The following GALNT13 variants were observed in gnomAD, a reference collection of about 807,000 sequenced individuals.
The protein encoded by GALNT13 is polypeptide N-acetylgalactosaminyltransferase 13.
In GALNT13, 28 loss-of-function variants were observed where a neutral mutation model predicts 64.2. The observed-to-expected ratio is 0.44, with a 90% CI of 0.32 to 0.60. The LOEUF (loss-of-function observed/expected upper bound fraction) is 0.60, where lower values mean the gene tolerates loss of function less well. GALNT13 is among the 20% of genes least tolerant of loss of function. GALNT13 has a pLI of 0.05. For synonymous variants in GALNT13, 214 were observed against 224.6 expected (o/e 0.95, Z 0.42); for missense variants, 577 against 669.8 (o/e 0.86, Z 1.53).
chr2:154,137,683 G>A (rs1370813013), intron 3 of GALNT13, among the ~76,000 whole-genome samples: 4 of 152,058 alleles, frequency 2.6e-5, no homozygotes, highest in African/African-American at 4.8e-5. Context: ...AGCTTAAGGT[G>A]TTAGAGTTGA....
intron 3 of GALNT13, among the ~76,000 whole-genome samples, chr2:154,100,938 ATT>A (rs139513147): frequency 6.6e-6 from 1 of 151,644 alleles, no homozygotes; most frequent in African/African-American, 2.4e-5. Context: ...TTATCAAGTG[ATT>A]TTTTTTATAT....
At chr2:153,483,654 G>A in the GALNT13 span, among the ~76,000 whole-genome samples, 1 of 152,086 alleles carries the variant, frequency 6.6e-6, no homozygotes, top group Non-Finnish European at 1.5e-5. Flanking sequence ...GACCTCAGGT[G>A]ATCCACCTAC....
chr2:154,427,790 A>G (rs1700536394), intron 11 of GALNT13, among the ~76,000 whole-genome samples: 2 of 152,194 alleles, frequency 1.3e-5, no homozygotes, highest in African/African-American at 2.4e-5. Flanking sequence ...CCGCTGAGCT[A>G]ACAGCCTATA....
At chr2:153,442,989 C>A in the GALNT13 span, among the ~76,000 whole-genome samples, 9 of 152,126 alleles carry the variant, frequency 5.9e-5, no homozygotes, top group Non-Finnish European at 1.3e-4. Flanking sequence ...GGGCTCTTTG[C>A]GGGGTGGGAT....
the GALNT13 span, among the ~76,000 whole-genome samples, chr2:153,233,500 G>T: frequency 6.7e-6 from 1 of 149,638 alleles, no homozygotes; most frequent in Non-Finnish European, 1.5e-5. Flanking sequence ...AAAAAAAACT[G>T]CTTGTAGTTC....
rs572680931 is a variant in GALNT13 at position 154,211,706 on chromosome 2, A to G, written c.312-30324A>G. Among the ~76,000 whole-genome samples, 40 of 151,900 alleles carry G rather than the reference A, an allele frequency of 2.6e-4. 1 individual carries two copies. Among genetic ancestry groups the G allele is most frequent in the Middle Eastern group, 3.4e-3 (1 of 292 alleles). ...GGTACAGTAAAAATGCAGCATTAAAATCATATGAGACCACTATCCTATATA... is the reference window on the plus strand; with the variant it reads ...GGTACAGTAAAAATGCAGCATTAAAGTCATATGAGACCACTATCCTATATA... On this transcript the variant is annotated intron_variant, in intron 4 of 12. Coordinates refer to ENST00000392825, the MANE Select transcript of GALNT13 (RefSeq NM_052917.4).
chr2:154,193,005 ATAGT>A (rs979537509), intron 4 of GALNT13, among the ~76,000 whole-genome samples: 2 of 152,172 alleles, frequency 1.3e-5, no homozygotes, highest in Non-Finnish European at 2.9e-5. Context: ...AATAATTAGA[ATAGT>A]TAGAGTAAAT....
At chr2:153,273,921 T>C in the GALNT13 span, among the ~76,000 whole-genome samples, 2 of 152,242 alleles carry the variant, frequency 1.3e-5, no homozygotes, top group African/African-American at 4.8e-5. Flanking sequence ...TCAGAAATAT[T>C]TTCCTTTTTA....
chr2:154,128,239 A>G (rs1051415891), intron 3 of GALNT13, among the ~76,000 whole-genome samples: 1 of 151,982 alleles, frequency 6.6e-6, no homozygotes, highest in Non-Finnish European at 1.5e-5. Flanking sequence ...TCTTTGGCAT[A>G]CTCAGTAAAC....
chr2:153,850,815 A>G, the GALNT13 span, among the ~76,000 whole-genome samples: 3 of 152,170 alleles, frequency 2.0e-5, no homozygotes, highest in Non-Finnish European at 4.4e-5. Flanking sequence ...AGTTAAGTTG[A>G]AGAATAGCAA....
the GALNT13 span, among the ~76,000 whole-genome samples, chr2:153,379,192 C>T: frequency 6.6e-6 from 1 of 152,096 alleles, no homozygotes; most frequent in Admixed American, 6.6e-5. Context: ...AAAAACTTGG[C>T]TAGTTCATGA....
the GALNT13 span, among the ~76,000 whole-genome samples, chr2:153,388,134 T>G: frequency 3.5e-4 from 53 of 151,972 alleles, no homozygotes; most frequent in Non-Finnish European, 1.5e-5. Flanking sequence ...CTTTGCTTTC[T>G]CACTTCTTAG....
the GALNT13 span, among the ~76,000 whole-genome samples, chr2:153,388,721 A>T: frequency 6.6e-6 from 1 of 152,064 alleles, no homozygotes; most frequent in South Asian, 2.1e-4. Flanking sequence ...TTGCTAGGCC[A>T]TTGGGTGGGT....
intron 2 of GALNT13, among the ~76,000 whole-genome samples, chr2:153,905,900 C>A (rs1016211158): frequency 1.3e-5 from 2 of 151,818 alleles, no homozygotes; most frequent in Admixed American, 1.3e-4. Flanking sequence ...ATCTGATAAC[C>A]GATATGGCTA....
rs548509348 is a variant in GALNT13, at chr2:153,948,465, T to C, written c.142+3826T>C. ...TGTGGTGATTGATTCATCAGAGACCTAAAGACAGAAATACTATTCAACCCA... is the reference window on the plus strand; with the variant it reads ...TGTGGTGATTGATTCATCAGAGACCCAAAGACAGAAATACTATTCAACCCA... On this transcript the variant is annotated intron_variant, in intron 3 of 12. Transcript: ENST00000392825. 3.9e-5 allele frequency among the ~76,000 whole-genome samples: 6 copies of C among 152,166 alleles called. No homozygotes were observed. The East Asian group carries it at 1.2e-3, about 29-fold the overall frequency.
the GALNT13 span, among the ~76,000 whole-genome samples, chr2:153,154,528 T>A: frequency 6.6e-6 from 1 of 152,196 alleles, no homozygotes; most frequent in African/African-American, 2.4e-5. Flanking sequence ...GGAAGTTTGT[T>A]CCTGATTTGG....
chr2:153,925,384 G>C (rs1420117425), intron 2 of GALNT13, among the ~76,000 whole-genome samples: 1 of 151,798 alleles, frequency 6.6e-6, no homozygotes, highest in Admixed American at 6.6e-5. Context: ...CTTATTTCTG[G>C]GTTCTGCATT....
chr2:154,416,412 C>T (rs1700010240), intron 11 of GALNT13, among the ~76,000 whole-genome samples: 1 of 152,050 alleles, frequency 6.6e-6, no homozygotes, highest in Non-Finnish European at 1.5e-5. Flanking sequence ...GCAGAGACTT[C>T]ATGACTTGAT....
intron 3 of GALNT13, among the ~76,000 whole-genome samples, chr2:153,952,290 C>G (rs1050206760): frequency 2.0e-5 from 3 of 152,126 alleles, no homozygotes; most frequent in African/African-American, 7.2e-5. Context: ...GATCCTTGTC[C>G]TGGCTCCCCC....
Sources: allele counts gnomAD v4.1 joint callset (sites outside exome capture counted in the v4.1 genomes callset), GRCh38; gene constraint gnomAD v4.1.1; transcripts MANE v1.5; gene names NCBI Gene and HGNC (gene_info 2026-07-23, HGNC 2026-07-21).